Variants in CCSER1 observed in about 807,000 individuals in gnomAD.
CCSER1 encodes serine-rich coiled-coil domain-containing protein 1.
In CCSER1, 41 loss-of-function variants were observed where a neutral mutation model predicts 82.0. The ratio of observed to expected loss-of-function variants is 0.50; its 90% CI spans 0.39 to 0.65. The LOEUF is 0.65. Among genes scored for constraint, CCSER1 ranks in the 30% least tolerant of loss-of-function variants. CCSER1 has a pLI of 0.00. For synonymous variants in CCSER1, 414 were observed against 383.9 expected (o/e 1.08, Z -0.92); for missense variants, 1,119 against 1,064.2 (o/e 1.05, Z -0.72).
intron 10 of CCSER1, among the ~76,000 whole-genome samples, chr4:91,213,716 A>G (rs1015279071): frequency 1.3e-5 from 2 of 152,310 alleles, no homozygotes; most frequent in South Asian, 2.1e-4. Flanking sequence ...ATTTGACAAT[A>G]AAGTCATTGT....
intron 10 of CCSER1, among the ~76,000 whole-genome samples, chr4:91,541,892 G>A (rs1344548096): frequency 6.6e-6 from 1 of 152,084 alleles, no homozygotes; most frequent in African/African-American, 2.4e-5. Flanking sequence ...AGCACCTGTT[G>A]TTTCCTGACT....
intron 6 of CCSER1, among the ~76,000 whole-genome samples, chr4:90,696,243 A>G (rs913446625): frequency 5.3e-5 from 8 of 152,140 alleles, no homozygotes; most frequent in Admixed American, 1.3e-4. Context: ...TTACACCCAC[A>G]TTAACTGATT....
intron 9 of CCSER1, among the ~76,000 whole-genome samples, chr4:91,085,311 A>G (rs1402199600): frequency 6.6e-6 from 1 of 152,168 alleles, no homozygotes; most frequent in Non-Finnish European, 1.5e-5. Context: ...TTATCAGATT[A>G]GAGCAAAAGT....
intron 10 of CCSER1, among the ~76,000 whole-genome samples, chr4:91,168,455 A>G (rs1283964669): frequency 7.7e-6 from 1 of 130,410 alleles, no homozygotes. Flanking sequence ...TCTGGGAAGC[A>G]GGGAGCACCT....
At position 91,604,550 on chromosome 4, in the gene CCSER1, A is replaced by G. The variant is rs1214992295; in HGVS notation, c.*5493A>G. On this transcript the variant is annotated 3_prime_UTR_variant, in exon 11 of 11. Coordinates refer to ENST00000509176, the MANE Select transcript of CCSER1 (RefSeq NM_001145065.2). ...TTATATTTTTTAAAGTAGAGGGCCA[A>G]TGAAGTGTCTAACAAAAGGAAAGCA... is the stretch of plus-strand genomic sequence containing the variant. The G allele has an allele frequency of 6.6e-6, 1 of 152,096 alleles. No homozygotes were observed. Among genetic ancestry groups the G allele is most frequent in the African/African-American group, 2.4e-5 (1 of 41,454 alleles). The allele number at this position is 152,096 out of a possible 1,614,324, so 9.4% of individuals were successfully genotyped here.
At chr4:90,884,680 C>A (rs1219944716) in intron 8 of CCSER1, among the ~76,000 whole-genome samples, 4 of 152,028 alleles carry the variant, frequency 2.6e-5, no homozygotes, top group African/African-American at 9.7e-5. Flanking sequence ...TTTCTATAAG[C>A]TTGAAATATT....
chr4:90,352,216 C>T (rs998590550), intron 3 of CCSER1, among the ~76,000 whole-genome samples: 4 of 151,818 alleles, frequency 2.6e-5, no homozygotes, highest in African/African-American at 7.3e-5. Flanking sequence ...CCCAGCTACT[C>T]GGGAGGCTGA....
intron 10 of CCSER1, among the ~76,000 whole-genome samples, chr4:91,257,217 C>G (rs750346291): frequency 3.9e-5 from 6 of 151,968 alleles, no homozygotes; most frequent in Non-Finnish European, 1.5e-5. Flanking sequence ...AGAAAACAAA[C>G]GATTTCTCAT....
intron 10 of CCSER1, among the ~76,000 whole-genome samples, chr4:91,329,893 ATT>A (rs1349124776): frequency 6.6e-6 from 1 of 151,542 alleles, no homozygotes; most frequent in East Asian, 1.9e-4. Flanking sequence ...TTGTTGTTAA[ATT>A]TTTTTCCCAG....
At chr4:90,668,278 G>A (rs4693246) in intron 6 of CCSER1, among the ~76,000 whole-genome samples, 2 of 151,940 alleles carry the variant, frequency 1.3e-5, no homozygotes, top group Non-Finnish European at 2.9e-5. Context: ...AATATACTGT[G>A]GCTTCTGTTA....
At chr4:91,550,631 A>G (rs534012938) in intron 10 of CCSER1, among the ~76,000 whole-genome samples, 2 of 152,282 alleles carry the variant, frequency 1.3e-5, no homozygotes, top group East Asian at 3.9e-4. Context: ...TAAGAAGAGA[A>G]TTATATTTAA....
intron 5 of CCSER1, among the ~76,000 whole-genome samples, chr4:90,516,831 A>C (rs182750683): frequency 6.6e-6 from 1 of 152,278 alleles, no homozygotes; most frequent in Admixed American, 6.6e-5. Flanking sequence ...GAATCTTTGA[A>C]GTGGTGTGCT....
intron 10 of CCSER1, among the ~76,000 whole-genome samples, chr4:91,109,436 T>C (rs1484374811): frequency 6.6e-6 from 1 of 151,966 alleles, no homozygotes; most frequent in Non-Finnish European, 1.5e-5. Flanking sequence ...AGCCCTAGTA[T>C]ATTTTCTGGA....
At chr4:90,739,069 T>A (rs1218720270) in intron 7 of CCSER1, among the ~76,000 whole-genome samples, 1 of 152,232 alleles carries the variant, frequency 6.6e-6, no homozygotes, top group African/African-American at 2.4e-5. Flanking sequence ...GTGAATGTGC[T>A]GGGTCACACC....
chr4:90,442,527 G>C (rs914468315), intron 4 of CCSER1, among the ~76,000 whole-genome samples: 10 of 152,124 alleles, frequency 6.6e-5, no homozygotes, highest in Non-Finnish European at 1.0e-4. Context: ...TGAGTATCTG[G>C]GATCAAATGG....
intron 9 of CCSER1, among the ~76,000 whole-genome samples, chr4:91,019,454 A>G (rs1739728646): frequency 6.6e-6 from 1 of 152,116 alleles, no homozygotes; most frequent in South Asian, 2.1e-4. Context: ...TATTAATTTA[A>G]TAATAAATTT....
At chr4:90,281,307 AGGACAGGGTTTTTCGTAG>A (rs962794104) in intron 1 of CCSER1, among the ~76,000 whole-genome samples, 7 of 151,972 alleles carry the variant, frequency 4.6e-5, no homozygotes, top group African/African-American at 1.7e-4. Context: ...GATGGAGGGT[AGGACAGGGTTTTTCGTAG>A]GGACAGGGTT....
At chr4:91,432,925 A>G (rs896710959) in intron 10 of CCSER1, among the ~76,000 whole-genome samples, 24 of 152,138 alleles carry the variant, frequency 1.6e-4, no homozygotes, top group African/African-American at 5.5e-4. Context: ...AGAAATGTGT[A>G]TTATGGATCT....
chr4:90,248,725 T>C (rs537734526), intron 1 of CCSER1, among the ~76,000 whole-genome samples: 174 of 152,036 alleles, frequency 1.1e-3, no homozygotes, highest in African/African-American at 3.9e-3. Flanking sequence ...TGAGACGGTT[T>C]CTCACTCTGT....
Sources: gnomAD v4.1 joint callset for allele counts (sites outside exome capture counted in the v4.1 genomes callset) on GRCh38, gnomAD v4.1.1 for gene constraint, MANE v1.5 for transcripts, NCBI Gene and HGNC (gene_info 2026-07-23, HGNC 2026-07-21) for gene names.